Variants in KSR1 observed in about 807,000 individuals in gnomAD.
KSR1 encodes kinase suppressor of ras.
A neutral mutation model predicts 92.9 loss-of-function variants in KSR1; 35 were observed. The observed-to-expected ratio is 0.38, with a 90% CI of 0.29 to 0.50. The LOEUF (loss-of-function observed/expected upper bound fraction) is 0.50. Ranked by LOEUF, KSR1 falls within the 20% of genes least tolerant of loss-of-function variation. The pLI, the probability that KSR1 is intolerant of heterozygous loss-of-function variation, is 0.94. For synonymous variants in KSR1, 467 were observed against 472.6 expected (o/e 0.99, Z 0.15); for missense variants, 972 against 1,158.5 (o/e 0.84, Z 2.34).
chr17:27,570,724 C>T (rs758602021), intron 2 of KSR1, among the ~76,000 whole-genome samples: 8 of 152,162 alleles, frequency 5.3e-5, no homozygotes, highest in African/African-American at 1.4e-4. Context: ...GGAATGTGGC[C>T]TCCTGAACAC....
At chr17:27,554,989 G>T (rs2071536688) in intron 2 of KSR1, among the ~76,000 whole-genome samples, 1 of 152,222 alleles carries the variant, frequency 6.6e-6, no homozygotes, top group Non-Finnish European at 1.5e-5. Flanking sequence ...CTGAGGAAAT[G>T]ACACTGGTAT....
chr17:27,466,798 C>T (rs2019721213), intron 1 of KSR1, among the ~76,000 whole-genome samples: 1 of 152,246 alleles, frequency 6.6e-6, no homozygotes, highest in Non-Finnish European at 1.5e-5. Context: ...AGGCCTGGGC[C>T]GGCTGGGGCC....
intron 1 of KSR1, among the ~76,000 whole-genome samples, chr17:27,523,688 C>T (rs2070134623): frequency 6.6e-6 from 1 of 152,194 alleles, no homozygotes; most frequent in African/African-American, 2.4e-5. Context: ...TGTGGTGGGT[C>T]CACAAAGTCA....
chr17:27,550,385 C>T (rs532232961), intron 1 of KSR1, among the ~76,000 whole-genome samples, 183 bp from the exon 2 acceptor site: 1 of 152,308 alleles, frequency 6.6e-6, no homozygotes, highest in African/African-American at 2.4e-5. Flanking sequence ...CCACCAGCCT[C>T]TGCCTGTTCT....
chr17:27,593,154 C>T (rs982661241), intron 9 of KSR1, among the ~76,000 whole-genome samples: 1 of 152,240 alleles, frequency 6.6e-6, no homozygotes, highest in Admixed American at 6.5e-5. Flanking sequence ...ACAAAGAGTG[C>T]ATTTCCATCC....
intron 1 of KSR1, among the ~76,000 whole-genome samples, chr17:27,532,165 T>G (rs563487363): frequency 3.4e-4 from 52 of 152,378 alleles, no homozygotes; most frequent in African/African-American, 1.1e-3. Context: ...TAAAGGCATT[T>G]CAGACATCTG....
Position 27,526,699 on chromosome 17 carries a change from A to G in KSR1, c.232-23869A>G, listed in dbSNP as rs184386029. 295 of 1,503,540 alleles carry G rather than the reference A, an allele frequency of 2.0e-4. 1 individual carries two copies. The African/African-American group carries it at 3.7e-3, about 19-fold the overall frequency. 93.1% of individuals were successfully genotyped at this position (1,503,540 alleles called of 1,614,324 possible). A position where few individuals can be genotyped will look rare whatever the true frequency, so the allele number is the denominator to read the frequency against. On this transcript the variant is annotated intron_variant, in intron 1 of 20. Coordinates refer to ENST00000644974, the MANE Select transcript of KSR1 (RefSeq NM_001394583.1). The stretch of plus-strand genomic sequence containing the variant: ...TATTGGCTGTTATTCTGACAGCTGA[A>G]CACGAGGGTTCAGGTTGAGAGGTCC...
At chr17:27,566,366 A>G (rs2072068616) in intron 2 of KSR1, 1 of 398,544 alleles carries the variant, frequency 2.5e-6, no homozygotes, top group Non-Finnish European at 4.4e-6. Flanking sequence ...CAGTCATGAA[A>G]ACAGAAACCC....
chr17:27,517,967 A>T (rs2069868602), intron 1 of KSR1, among the ~76,000 whole-genome samples: 3 of 152,222 alleles, frequency 2.0e-5, no homozygotes, highest in Admixed American at 1.3e-4. Flanking sequence ...CTATTTATTC[A>T]TTTGGTCATT....
chr17:27,617,269 A>G, intron 18 of KSR1, 26 bp from the exon 19 acceptor site: 1 of 1,588,990 alleles, frequency 6.3e-7, no homozygotes, highest in Non-Finnish European at 8.6e-7. Flanking sequence ...CAGCTCACAC[A>G]CCACTAATGG....
intron 1 of KSR1, among the ~76,000 whole-genome samples, chr17:27,488,319 T>G (rs1307875125): frequency 6.6e-6 from 1 of 152,226 alleles, no homozygotes; most frequent in Non-Finnish European, 1.5e-5. Flanking sequence ...ATGCTATTTA[T>G]GCTCTTTTTA....
In KSR1 at chr17:27,582,753, CCAGGG is replaced by C; in HGVS notation, c.629_633del (p.Pro210GlnfsTer34). 1 of 1,613,872 alleles carries C rather than the reference CCAGGG, an allele frequency of 6.2e-7. No individual in the cohort carries two copies. The stretch of plus-strand genomic sequence containing the variant: ...CTCAGCAGCCAGCCTGCCCTGGCCC[CCAGGG>C]AGCTCCCAGCTGGGCAGAGCAGGCA... On this transcript the variant is annotated frameshift_variant, in exon 4 of 21. Transcript: ENST00000644974. LOFTEE classifies it high-confidence loss of function.
chr17:27,545,132 G>A (rs939921529), intron 1 of KSR1, among the ~76,000 whole-genome samples: 3 of 152,210 alleles, frequency 2.0e-5, no homozygotes, highest in African/African-American at 7.2e-5. Context: ...TGGGTGCAAA[G>A]AAGAATCACT....
At chr17:27,592,218 ATGT>A (rs2073189731) in intron 7 of KSR1, 140 bp from the exon 8 acceptor site, 1 of 683,618 alleles carries the variant, frequency 1.5e-6, no homozygotes, top group Non-Finnish European at 2.6e-6. Context: ...TAATATCATG[ATGT>A]TCTCTACTTT....
chr17:27,572,687 G>T (rs932752966), intron 2 of KSR1, among the ~76,000 whole-genome samples: 1 of 152,180 alleles, frequency 6.6e-6, no homozygotes, highest in Non-Finnish European at 1.5e-5. Context: ...TCCCTAATTT[G>T]TTTTTGGTTT....
At chr17:27,526,094 T>TTCTTTCTTTCTTTCTTTCTTTCTCTC (rs55706224) in intron 1 of KSR1, among the ~76,000 whole-genome samples, 5 of 118,398 alleles carry the variant, frequency 4.2e-5, no homozygotes, top group Non-Finnish European at 8.4e-5. Flanking sequence ...CTTTCTTTCT[T>TTCTTTCTTTCTTTCTTTCTTTCTCTC]TCTCTCTCTC....
At chr17:27,560,826 A>G (rs1367817022) in intron 2 of KSR1, among the ~76,000 whole-genome samples, 1 of 152,030 alleles carries the variant, frequency 6.6e-6, no homozygotes, top group Non-Finnish European at 1.5e-5. Context: ...TGTTCTTACA[A>G]CCTTGCTCTT....
intron 17 of KSR1, among the ~76,000 whole-genome samples, chr17:27,610,601 G>A (rs11871451): frequency 3.9e-5 from 6 of 152,098 alleles, no homozygotes; most frequent in African/African-American, 1.4e-4. Flanking sequence ...AAAGACCTGG[G>A]TGCTGACCAG....
chr17:27,569,911 C>T (rs1028335200), intron 2 of KSR1, among the ~76,000 whole-genome samples: 6 of 152,338 alleles, frequency 3.9e-5, no homozygotes, highest in Admixed American at 3.9e-4. Flanking sequence ...AGCAAGGAGG[C>T]AGCCACAGGA....
Sources: gnomAD v4.1 joint callset for allele counts (sites outside exome capture counted in the v4.1 genomes callset) on GRCh38, gnomAD v4.1.1 for gene constraint, MANE v1.5 for transcripts, NCBI Gene and HGNC (gene_info 2026-07-23, HGNC 2026-07-21) for gene names.